ANKIB1: variants seen among roughly 807,000 people sequenced by gnomAD.
ANKIB1 encodes the protein ankyrin repeat and IBR domain-containing protein 1.
In ANKIB1, 43 loss-of-function variants were observed where a neutral mutation model predicts 122.1. The observed-to-expected ratio is 0.35, with a 90% CI of 0.28 to 0.45. ANKIB1 has a LOEUF of 0.45. ANKIB1 is among the 20% of genes least tolerant of loss of function. The probability of loss-of-function intolerance (pLI) is 1.00; values close to 1 mark genes in which losing one functional copy is unlikely to be tolerated. For synonymous variants in ANKIB1, 390 were observed against 442.0 expected, an observed-to-expected ratio of 0.88 and a Z score of 1.48; for missense variants, 992 against 1,329.5, an observed-to-expected ratio of 0.75 and a Z score of 3.95.
Position 92,396,388 on chromosome 7 carries a change from G to C in ANKIB1, c.2307G>C (p.Arg769=). The part of the protein sequence containing the change: ...SPEEYAEFQY[R]RRHRQRRRGD... ...AGGAATATGCTGAATTTCAGTATCGGAGGAGGCACAGACAACGTCGTCGAG... is the reference window on the plus strand; with the variant it reads ...AGGAATATGCTGAATTTCAGTATCGCAGGAGGCACAGACAACGTCGTCGAG... The change falls in exon 18 of 20, where the codon CGG becomes CGC. Residue 769 remains arginine (R), a synonymous_variant. Coordinates refer to ENST00000265742, the MANE Select transcript of ANKIB1 (RefSeq NM_019004.2). The C allele has an allele frequency of 6.3e-7, 1 of 1,590,890 alleles. No individual in the cohort carries two copies. The highest frequency in any genetic ancestry group is 1.3e-5 in the African/African-American group (1 of 74,632).
chr7:92,330,965 G>A (rs1305555879), intron 5 of ANKIB1, among the ~76,000 whole-genome samples: 6 of 152,106 alleles, frequency 3.9e-5, no homozygotes, highest in Non-Finnish European at 8.8e-5. Context: ...CATTATGTTA[G>A]GGTTCATAGC....
intron 5 of ANKIB1, among the ~76,000 whole-genome samples, chr7:92,339,811 T>C (rs1803397310): frequency 6.6e-6 from 1 of 152,126 alleles, no homozygotes; most frequent in Non-Finnish European, 1.5e-5. Flanking sequence ...ATTTTTGTCT[T>C]TTTTTCTTGC....
chr7:92,274,043 G>T (rs1426799410), intron 1 of ANKIB1, among the ~76,000 whole-genome samples: 1 of 152,046 alleles, frequency 6.6e-6, no homozygotes, highest in Non-Finnish European at 1.5e-5. Context: ...CAAAAGTGTT[G>T]GGATTACAGG....
rs199861630 is a variant in ANKIB1, at chr7:92,398,494, T to A, written c.2815T>A (p.Ser939Thr). The A allele has an allele frequency of 6.2e-7, 1 of 1,613,938 alleles. No individual in the cohort carries two copies. ...NDPFSTDTLS[S>T]HPLSEARSDF... Reference sequence around the variant, plus strand: ...CCCATTTTCAACTGACACCCTGAGCTCACACCCTCTCAGTGAGGCAAGAAG... The same window carrying A: ...CCCATTTTCAACTGACACCCTGAGCACACACCCTCTCAGTGAGGCAAGAAG... The change falls in exon 20 of 20, where the codon TCA (serine) becomes ACA (threonine). Residue 939 changes from serine to threonine, a missense_variant. This residue lies in a region of ANKIB1 where 384 missense variants were observed against 412.0 expected (regional missense o/e 0.93). Coordinates refer to ENST00000265742, the MANE Select transcript of ANKIB1 (RefSeq NM_019004.2).
At chr7:92,313,507 C>T (rs1802733817) in intron 3 of ANKIB1, among the ~76,000 whole-genome samples, 1 of 152,110 alleles carries the variant, frequency 6.6e-6, no homozygotes, top group South Asian at 2.1e-4. Flanking sequence ...TACTTATGAT[C>T]TCATTATTGT....
At chr7:92,362,996 T>G in intron 10 of ANKIB1, among the ~76,000 whole-genome samples, 1 of 152,118 alleles carries the variant, frequency 6.6e-6, no homozygotes, top group East Asian at 1.9e-4. Flanking sequence ...CTAAAGTGTT[T>G]TATGACAACT....
chr7:92,258,534 TTG>T, intron 1 of ANKIB1, among the ~76,000 whole-genome samples: 1 of 152,322 alleles, frequency 6.6e-6, no homozygotes, highest in African/African-American at 2.4e-5. Context: ...TGAAATTAAT[TTG>T]TTTCTCTCCT....
At chr7:92,363,485 A>G (rs1346700075) in intron 10 of ANKIB1, among the ~76,000 whole-genome samples, 1 of 152,244 alleles carries the variant, frequency 6.6e-6, no homozygotes, top group Admixed American at 6.5e-5. Flanking sequence ...CAGGGCATGC[A>G]GAGGCTAGAG....
intron 14 of ANKIB1, among the ~76,000 whole-genome samples, chr7:92,389,044 G>A (rs1422264590): frequency 6.6e-6 from 1 of 152,100 alleles, no homozygotes. Flanking sequence ...TTCCAGCTGT[G>A]CCTGACCCTT....
intron 8 of ANKIB1, among the ~76,000 whole-genome samples, chr7:92,351,973 A>T (rs540817768): frequency 1.3e-5 from 2 of 152,116 alleles, no homozygotes; most frequent in Admixed American, 1.3e-4. Flanking sequence ...CGCCTGCCTC[A>T]GCCTCCCAAA....
chr7:92,397,059 T>C (rs185167312), intron 18 of ANKIB1, among the ~76,000 whole-genome samples: 1 of 152,324 alleles, frequency 6.6e-6, no homozygotes, highest in African/African-American at 2.4e-5. Flanking sequence ...CTTCAGACTA[T>C]TGTAATTCCC....
intron 11 of ANKIB1, among the ~76,000 whole-genome samples, chr7:92,373,135 G>A (rs1804311072): frequency 6.6e-6 from 1 of 152,092 alleles, no homozygotes; most frequent in Non-Finnish European, 1.5e-5. Flanking sequence ...AAAACCTAGG[G>A]CAGTGTTGTG....
At chr7:92,249,763 G>A (rs1263205816) in intron 1 of ANKIB1, among the ~76,000 whole-genome samples, 3 of 151,602 alleles carry the variant, frequency 2.0e-5, no homozygotes, top group Non-Finnish European at 1.5e-5. Context: ...TTTATTGAGT[G>A]CCTAATTTGT....
chr7:92,338,483 T>G (rs191713180), intron 5 of ANKIB1, among the ~76,000 whole-genome samples: 35 of 142,138 alleles, frequency 2.5e-4, no homozygotes, highest in African/African-American at 9.8e-4. Flanking sequence ...AATGTTTGAG[T>G]TATGTGTATA....
At chr7:92,297,360 A>G (rs1214897323) in intron 2 of ANKIB1, among the ~76,000 whole-genome samples, 1 of 152,212 alleles carries the variant, frequency 6.6e-6, no homozygotes. Flanking sequence ...TCTGGACTGC[A>G]GTTTTCTTAT....
chr7:92,383,825 T>C (rs1804574398), intron 11 of ANKIB1, among the ~76,000 whole-genome samples: 1 of 152,170 alleles, frequency 6.6e-6, no homozygotes, highest in African/African-American at 2.4e-5. Context: ...CTTTGAAAAC[T>C]GGCACAAGAC....
rs1162113763 is a variant in ANKIB1, at chr7:92,309,942, AAT to A, written c.486+2306_486+2307del. 5.7e-4 allele frequency among the ~76,000 whole-genome samples: 52 copies of A among 91,788 alleles called. 1 individual carries two copies. The highest frequency in any genetic ancestry group is 9.2e-4 in the East Asian group (2 of 2,174). The allele number at this position is 91,788 out of a possible 152,430, so 60.2% of individuals were successfully genotyped here. On this transcript the variant is annotated intron_variant, in intron 3 of 19. Coordinates refer to ENST00000265742, the MANE Select transcript of ANKIB1 (RefSeq NM_019004.2). Reference sequence around the variant, plus strand: ...TCCATCTAAAAAAAAAAAAAAAAAAAATATATATATATATATATATAAATTAA... The same window carrying A: ...TCCATCTAAAAAAAAAAAAAAAAAAAATATATATATATATATATAAATTAA...
intron 6 of ANKIB1, 126 bp downstream of exon 6, chr7:92,343,358 A>C: frequency 1.2e-6 from 1 of 802,974 alleles, no homozygotes; most frequent in Non-Finnish European, 2.0e-6. Context: ...CCCTTTCTTG[A>C]AAGGTTCGGT....
chr7:92,329,371 C>G (rs566087823), intron 5 of ANKIB1, among the ~76,000 whole-genome samples: 1 of 152,218 alleles, frequency 6.6e-6, no homozygotes, highest in East Asian at 1.9e-4. Context: ...GCCTGGGAAA[C>G]TAAATGGAGA....
Sources: gnomAD v4.1 joint callset for allele counts (sites outside exome capture counted in the v4.1 genomes callset) on GRCh38, gnomAD v4.1.1 for gene constraint, gnomAD v4.1.1 regional missense constraint, MANE v1.5 for transcripts, NCBI Gene and HGNC (gene_info 2026-07-23, HGNC 2026-07-21) for gene names.